C1QTNF7: variants seen among roughly 807,000 people sequenced by gnomAD.
The protein encoded by C1QTNF7 is complement C1q tumor necrosis factor-related protein 7.
C1QTNF7 carries 15 observed loss-of-function variants against 19.6 expected under a neutral mutation model. The ratio of observed to expected loss-of-function variants is 0.76; its 90% CI spans 0.51 to 1.18. The LOEUF (loss-of-function observed/expected upper bound fraction) is 1.18, where lower values mean the gene tolerates loss of function less well. Ranked by LOEUF, C1QTNF7 falls within the 50% of genes most tolerant of loss-of-function variation. The pLI is 0.00. For synonymous variants in C1QTNF7, 142 were observed against 137.5 expected (o/e 1.03, Z -0.23); for missense variants, 324 against 359.7 (o/e 0.90, Z 0.80).
At chr4:15,380,706 A>G (rs1718106820) in intron 1 of C1QTNF7, among the ~76,000 whole-genome samples, 1 of 152,172 alleles carries the variant, frequency 6.6e-6, no homozygotes, top group East Asian at 1.9e-4. Flanking sequence ...AGGCCAAGAC[A>G]AGTGGATCAC....
In C1QTNF7 at chr4:15,442,945, G is replaced by T. The variant is rs1449480381; in HGVS notation, c.*146G>T. 6.3e-5 allele frequency: 51 copies of T among 812,982 alleles called. No individual in the cohort carries two copies. The highest frequency in any genetic ancestry group is 1.8e-6 in the Non-Finnish European group (1 of 559,264). 50.4% of individuals were successfully genotyped at this position (812,982 alleles called of 1,614,324 possible). A position where few individuals can be genotyped will look rare whatever the true frequency, so the allele number is the denominator to read the frequency against. The stretch of plus-strand genomic sequence containing the variant: ...CTAGCAGAATTTATCAAAACAAGAT[G>T]AAACACAGAAAAGTTGAAACCACAA... On this transcript the variant is annotated 3_prime_UTR_variant, in exon 3 of 3. Coordinates refer to ENST00000444304, the MANE Select transcript of C1QTNF7 (RefSeq NM_031911.5).
intron 1 of C1QTNF7, among the ~76,000 whole-genome samples, chr4:15,366,710 ATGT>A (rs1717536616): frequency 6.6e-6 from 1 of 150,946 alleles, no homozygotes; most frequent in Admixed American, 6.6e-5. Flanking sequence ...TGGGACTTAG[ATGT>A]TGTCTGCAGT....
At chr4:15,409,375 T>C (rs1450187014) in intron 1 of C1QTNF7, among the ~76,000 whole-genome samples, 4 of 152,220 alleles carry the variant, frequency 2.6e-5, no homozygotes, top group Non-Finnish European at 4.4e-5. Context: ...AGACTCTAAG[T>C]GATTGCAGCT....
At chr4:15,412,208 T>G (rs531603197) in intron 1 of C1QTNF7, among the ~76,000 whole-genome samples, 1 of 152,294 alleles carries the variant, frequency 6.6e-6, no homozygotes, top group Non-Finnish European at 1.5e-5. Context: ...CCACTGATTC[T>G]ACCTTATCAT....
At chr4:15,439,982 T>C (rs146900053) in intron 2 of C1QTNF7, among the ~76,000 whole-genome samples, 1,544 of 150,410 alleles carry the variant, frequency 0.01, 18 homozygotes, top group Middle Eastern at 0.021. Context: ...ATGTCTTATA[T>C]AGATTTTATA....
At chr4:15,366,029 A>G (rs1717506417) in intron 1 of C1QTNF7, among the ~76,000 whole-genome samples, 1 of 152,186 alleles carries the variant, frequency 6.6e-6, no homozygotes, top group Admixed American at 6.5e-5. Context: ...GAATAAAAAG[A>G]TGTCCACTAC....
chr4:15,402,940 A>T (rs1438583758), intron 1 of C1QTNF7, among the ~76,000 whole-genome samples: 1 of 151,702 alleles, frequency 6.6e-6, no homozygotes, highest in Non-Finnish European at 1.5e-5. Context: ...TGTTGGCAAA[A>T]TGATTTCTGA....
intron 2 of C1QTNF7, among the ~76,000 whole-genome samples, chr4:15,436,999 A>C (rs185122629): frequency 6.6e-6 from 1 of 152,354 alleles, no homozygotes; most frequent in East Asian, 1.9e-4. Context: ...ATTGCACAAT[A>C]ATAGATAAAG....
At chr4:15,383,347 C>A (rs892255833) in intron 1 of C1QTNF7, among the ~76,000 whole-genome samples, 1 of 152,102 alleles carries the variant, frequency 6.6e-6, no homozygotes, top group African/African-American at 2.4e-5. Context: ...TTCACATGGC[C>A]CCCAAAATGG....
At chr4:15,371,474 C>T (rs572292064) in intron 1 of C1QTNF7, among the ~76,000 whole-genome samples, 1 of 152,292 alleles carries the variant, frequency 6.6e-6, no homozygotes, top group Admixed American at 6.5e-5. Flanking sequence ...AATGGCTGGA[C>T]ATATCTTAGT....
upstream of C1QTNF7, among the ~76,000 whole-genome samples, chr4:15,423,705 T>C (rs1411605560): frequency 6.6e-6 from 1 of 152,200 alleles, no homozygotes; most frequent in Non-Finnish European, 1.5e-5. Context: ...CTGCCTTTGC[T>C]CTTTCCCACT....
chr4:15,346,449 A>G (rs1210403990), intron 1 of C1QTNF7, among the ~76,000 whole-genome samples: 4 of 152,204 alleles, frequency 2.6e-5, no homozygotes, highest in African/African-American at 9.6e-5. Flanking sequence ...TTGCCTCAAA[A>G]CACATCCTAC....
intron 2 of C1QTNF7, among the ~76,000 whole-genome samples, chr4:15,438,962 G>T (rs1712641724): frequency 6.6e-6 from 1 of 152,176 alleles, no homozygotes; most frequent in Non-Finnish European, 1.5e-5. Context: ...ATGAATGAAT[G>T]GTTGGATGGA....
intron 1 of C1QTNF7, among the ~76,000 whole-genome samples, chr4:15,369,981 T>A (rs1007307938): frequency 2.0e-5 from 3 of 152,308 alleles, no homozygotes; most frequent in African/African-American, 7.2e-5. Context: ...ATACATGAGA[T>A]CATATTGTAT....
At chr4:15,391,190 G>A (rs1718544032) in intron 1 of C1QTNF7, among the ~76,000 whole-genome samples, 1 of 151,810 alleles carries the variant, frequency 6.6e-6, no homozygotes, top group South Asian at 2.1e-4. Flanking sequence ...ACTGTTGTAT[G>A]TATGTTGTAA....
At chr4:15,440,723 T>TA in intron 2 of C1QTNF7, among the ~76,000 whole-genome samples, 1 of 152,230 alleles carries the variant, frequency 6.6e-6, no homozygotes, top group East Asian at 1.9e-4. Flanking sequence ...AAGTTTTTTT[T>TA]ACCTGTCTGG....
upstream of C1QTNF7, among the ~76,000 whole-genome samples, chr4:15,424,327 A>G (rs780936894): frequency 6.6e-6 from 1 of 152,214 alleles, no homozygotes; most frequent in Non-Finnish European, 1.5e-5. Flanking sequence ...GAGTCAGGTC[A>G]GAGAGTAGAA....
chr4:15,389,357 A>C (rs2108897791), intron 1 of C1QTNF7, among the ~76,000 whole-genome samples: 1 of 152,236 alleles, frequency 6.6e-6, no homozygotes, highest in African/African-American at 2.4e-5. Context: ...GTCTACACAA[A>C]CCATGACAGG....
At chr4:15,350,752 A>C (rs1391437918) in intron 1 of C1QTNF7, among the ~76,000 whole-genome samples, 1 of 152,204 alleles carries the variant, frequency 6.6e-6, no homozygotes, top group African/African-American at 2.4e-5. Flanking sequence ...AAGCAGATGA[A>C]ACCTATTAAA....
Sources: allele counts gnomAD v4.1 joint callset (sites outside exome capture counted in the v4.1 genomes callset), GRCh38; gene constraint gnomAD v4.1.1; transcripts MANE v1.5; gene names NCBI Gene and HGNC (gene_info 2026-07-23, HGNC 2026-07-21).